Variants in SMOX observed in about 807,000 individuals in gnomAD.
SMOX encodes flavin containing amine oxidase.
A neutral mutation model predicts 51.0 loss-of-function variants in SMOX; 22 were observed. That is an observed-to-expected ratio of 0.43 (90% CI 0.31 to 0.62). The LOEUF (loss-of-function observed/expected upper bound fraction) is 0.62, where lower values mean the gene tolerates loss of function less well. Ranked by LOEUF, SMOX falls within the 20% of genes least tolerant of loss-of-function variation. The probability of loss-of-function intolerance (pLI) is 0.10; values close to 1 mark genes in which losing one functional copy is unlikely to be tolerated. For synonymous variants in SMOX, 282 were observed against 307.8 expected, an observed-to-expected ratio of 0.92 and a Z score of 0.88; for missense variants, 566 against 777.7, an observed-to-expected ratio of 0.73 and a Z score of 3.24.
rs111473805 is a variant in SMOX, at chr20:4,153,531, G to T, written c.-27+4554G>T. Reference sequence around the variant, plus strand: ...CTAGGCAGGTGACCTGGCCTCCCAGGGACCTGGCTGGCTGGCTGAGGAACG... The same window carrying T: ...CTAGGCAGGTGACCTGGCCTCCCAGTGACCTGGCTGGCTGGCTGAGGAACG... On this transcript the variant is annotated intron_variant, in intron 1 of 6. Coordinates refer to ENST00000305958, the MANE Select transcript of SMOX (RefSeq NM_175839.3). This position sits in a 1 kb window ranked among gnomAD's most constrained non-coding sequence, Gnocchi z 4.4. 2.3e-3 allele frequency among the ~76,000 whole-genome samples: 353 copies of T among 152,238 alleles called. 10 individuals carry two copies. The highest frequency in any genetic ancestry group is 6.6e-3 in the African/African-American group (276 of 41,542).
rs760868038 is a variant in SMOX, at chr20:4,182,307, T to C, written c.828T>C (p.Pro276=). ...WDQASARPRG[P]EIEPRGEGDH... Reference sequence around the variant, plus strand: ...AGGCCTCAGCCCGCCCCAGAGGCCCTGAGATTGAGCCCCGGGGTGAGGGCG... The same window carrying C: ...AGGCCTCAGCCCGCCCCAGAGGCCCCGAGATTGAGCCCCGGGGTGAGGGCG... The change falls in exon 5 of 7, where the codon CCT becomes CCC. Residue 276 remains proline, a synonymous_variant. Coordinates refer to ENST00000305958, the MANE Select transcript of SMOX (RefSeq NM_175839.3). This position sits in a 1 kb window ranked among gnomAD's most constrained non-coding sequence, Gnocchi z 8.4. 4.6e-5 allele frequency: 73 copies of C among 1,602,732 alleles called. No homozygotes were observed. The highest frequency in any genetic ancestry group is 5.9e-5 in the Non-Finnish European group (69 of 1,172,094).
chr20:4,165,317 G>A (rs1217835067), intron 1 of SMOX, among the ~76,000 whole-genome samples: 1 of 152,078 alleles, frequency 6.6e-6, no homozygotes, highest in East Asian at 1.9e-4. Context: ...GCCTCCCAAA[G>A]TGCTGGGATT....
intron 1 of SMOX, among the ~76,000 whole-genome samples, chr20:4,152,432 G>C (rs1222418701): frequency 6.6e-6 from 1 of 152,144 alleles, no homozygotes; most frequent in Non-Finnish European, 1.5e-5. Context: ...GTGTTAAATT[G>C]TGTGGCTGGT....
chr20:4,174,245 G>C (rs1244489960), intron 1 of SMOX, among the ~76,000 whole-genome samples: 3 of 152,234 alleles, frequency 2.0e-5, no homozygotes, highest in African/African-American at 7.2e-5. Flanking sequence ...GGGAAAGAGA[G>C]AGAGAGTGCC....
At chr20:4,178,385 G>A (rs892006042) in intron 3 of SMOX, among the ~76,000 whole-genome samples, 3 of 152,160 alleles carry the variant, frequency 2.0e-5, no homozygotes, top group African/African-American at 7.2e-5. Context: ...CTACTGTGTT[G>A]GATAGCACAG....
At chr20:4,158,709 G>C (rs1986155006) in intron 1 of SMOX, among the ~76,000 whole-genome samples, 1 of 152,126 alleles carries the variant, frequency 6.6e-6, no homozygotes, top group South Asian at 2.1e-4. Context: ...GTCTCACTCA[G>C]TTTCTGGGAC....
rs1398438150 is a variant in SMOX, at chr20:4,182,581, A to G, written c.1102A>G (p.Ile368Val). 5 of 1,613,916 alleles carry G rather than the reference A, an allele frequency of 3.1e-6. No homozygotes were observed. Among genetic ancestry groups the G allele is most frequent in the Non-Finnish European group, 4.2e-6 (5 of 1,179,986 alleles). ...HRLGIGTTDK[I>V]FLEFEEPFWG... The stretch of plus-strand genomic sequence containing the variant: ...CCTGGGCATTGGCACCACCGACAAG[A>G]TCTTTCTGGAATTCGAGGAGCCCTT... Residue 368 changes from isoleucine to valine, a missense_variant, in exon 5 of 7, where the codon ATC becomes GTC. This residue lies in a region of SMOX where 347 missense variants were observed against 481.8 expected (regional missense o/e 0.72). Coordinates refer to ENST00000305958, the MANE Select transcript of SMOX (RefSeq NM_175839.3). The surrounding 1 kb of genome is among the most constrained non-coding windows in gnomAD (Gnocchi z 8.4).
At chr20:4,175,803 A>G (rs527363988) in intron 2 of SMOX, among the ~76,000 whole-genome samples, 32 of 147,246 alleles carry the variant, frequency 2.2e-4, no homozygotes, top group African/African-American at 7.7e-4. Flanking sequence ...GCCAGGTAAG[A>G]GACTTGCCCT....
intron 1 of SMOX, among the ~76,000 whole-genome samples, chr20:4,150,257 C>T (rs1985668040): frequency 1.3e-5 from 2 of 152,220 alleles, no homozygotes; most frequent in East Asian, 3.9e-4. Context: ...TCTGCACTCG[C>T]TCCTTCAGAG....
At position 4,170,317 on chromosome 20, in the gene SMOX, T is replaced by G. The variant is rs1214098016; in HGVS notation, c.-26-4713T>G. 6.6e-6 allele frequency among the ~76,000 whole-genome samples: 1 copy of G among 152,110 alleles called. No homozygotes were observed. The highest frequency in any genetic ancestry group is 1.9e-4 in the East Asian group (1 of 5,170). On this transcript the variant is annotated intron_variant, in intron 1 of 6. Coordinates refer to ENST00000305958, the MANE Select transcript of SMOX (RefSeq NM_175839.3). The surrounding 1 kb of genome is among the most constrained non-coding windows in gnomAD (Gnocchi z 4.6). Reference sequence around the variant, plus strand: ...TGGTGGTCCTGTAATTTGCCCTCAATGAGGAAAGTGCCAGGAGTTGGGTGG... The same window carrying G: ...TGGTGGTCCTGTAATTTGCCCTCAAGGAGGAAAGTGCCAGGAGTTGGGTGG...
chr20:4,151,124 G>A (rs917456886), intron 1 of SMOX, among the ~76,000 whole-genome samples: 1 of 151,978 alleles, frequency 6.6e-6, no homozygotes, highest in African/African-American at 2.4e-5. Flanking sequence ...GAACCACTGC[G>A]CCAGGCCCAT....
chr20:4,187,588 G>C lies in SMOX; in HGVS notation c.*181G>C. The C allele has an allele frequency of 1.2e-6, 1 of 852,930 alleles. No individual in the cohort carries two copies. The highest frequency in any genetic ancestry group is 1.7e-6 in the Non-Finnish European group (1 of 577,084). The allele number at this position is 852,930 out of a possible 1,614,324, so 52.8% of individuals were successfully genotyped here. On this transcript the variant is annotated 3_prime_UTR_variant, in exon 7 of 7. Coordinates refer to ENST00000305958, the MANE Select transcript of SMOX (RefSeq NM_175839.3). This position sits in a 1 kb window ranked among gnomAD's most constrained non-coding sequence, Gnocchi z 4.8. The stretch of plus-strand genomic sequence containing the variant: ...TTTCTTTTTCTCCAGGCTGGGCCGT[G>C]AGCAGGTGGGCCGTTGAGTTACCTC...
chr20:4,161,028 G>A (rs1262678375), intron 1 of SMOX, among the ~76,000 whole-genome samples: 4 of 152,230 alleles, frequency 2.6e-5, no homozygotes, highest in Non-Finnish European at 5.9e-5. Context: ...TGAGCTCACA[G>A]GCCTCAGTTC....
rs550664364 is a variant in SMOX at position 4,149,937 on chromosome 20, C to T, written c.-27+960C>T. Among the ~76,000 whole-genome samples the T allele has an allele frequency of 5.3e-5, 8 of 152,182 alleles. No homozygotes were observed. The highest frequency in any genetic ancestry group is 4.6e-4 in the Admixed American group (7 of 15,292). On this transcript the variant is annotated intron_variant, in intron 1 of 6. Transcript: ENST00000305958. The surrounding 1 kb of genome is among the most constrained non-coding windows in gnomAD (Gnocchi z 6.0). Reference sequence around the variant, plus strand: ...CATCCGAAAGTGTGTGCAGTGAAGCCCCCACATTTGCATTCGGCCACCACT... The same window carrying T: ...CATCCGAAAGTGTGTGCAGTGAAGCTCCCACATTTGCATTCGGCCACCACT...
Position 4,181,069 on chromosome 20 carries a change from T to G in SMOX, c.436-734T>G, listed in dbSNP as rs1333991928. Reference sequence around the variant, plus strand: ...ACAGGCACGAGGGTCGGGCGGGCAGTCAGACCCCTTTTCAAGTGACTGATC... The same window carrying G: ...ACAGGCACGAGGGTCGGGCGGGCAGGCAGACCCCTTTTCAAGTGACTGATC... On this transcript the variant is annotated intron_variant, in intron 3 of 6. Coordinates refer to ENST00000305958, the MANE Select transcript of SMOX (RefSeq NM_175839.3). The surrounding 1 kb of genome is among the most constrained non-coding windows in gnomAD (Gnocchi z 5.6). Among the ~76,000 whole-genome samples the G allele has an allele frequency of 6.6e-6, 1 of 152,126 alleles. No homozygotes were observed. The highest frequency in any genetic ancestry group is 1.5e-5 in the Non-Finnish European group (1 of 68,012).
chr20:4,158,584 T>C (rs535685082), intron 1 of SMOX, among the ~76,000 whole-genome samples: 1 of 152,240 alleles, frequency 6.6e-6, no homozygotes, highest in East Asian at 1.9e-4. Context: ...TTGCAATTTA[T>C]TAGAAAACAG....
At chr20:4,175,511 G>A (rs1007092656) in intron 2 of SMOX, among the ~76,000 whole-genome samples, 3 of 152,206 alleles carry the variant, frequency 2.0e-5, no homozygotes, top group Non-Finnish European at 4.4e-5. Flanking sequence ...CAGTGTTTAG[G>A]AGGGAGTGGA....
rs140645552 is a variant in SMOX at position 4,170,645 on chromosome 20, G to A, written c.-26-4385G>A. On this transcript the variant is annotated intron_variant, in intron 1 of 6. Transcript: ENST00000305958. The surrounding 1 kb of genome is among the most constrained non-coding windows in gnomAD (Gnocchi z 4.6). Reference sequence around the variant, plus strand: ...CAGTTCACACAAACTTTGGTGGCTCGTGCCCACTCTGGTCACCTGACCTCT... The same window carrying A: ...CAGTTCACACAAACTTTGGTGGCTCATGCCCACTCTGGTCACCTGACCTCT... 5.9e-5 allele frequency among the ~76,000 whole-genome samples: 9 copies of A among 152,236 alleles called. No homozygotes were observed. The highest frequency in any genetic ancestry group is 1.3e-4 in the Non-Finnish European group (9 of 68,004).
In SMOX at chr20:4,177,662, C is replaced by G; in HGVS notation, c.435+85C>G. On this transcript the variant is annotated intron_variant, in intron 3 of 6. Transcript: ENST00000305958. The surrounding 1 kb of genome is among the most constrained non-coding windows in gnomAD (Gnocchi z 4.3). ...TTCTGGTCGTGTCTCTGCACACTCC[C>G]TGGGCCTTGCATTTGGAAAACCAGG... 1 of 1,266,410 alleles carries G rather than the reference C, an allele frequency of 7.9e-7. No homozygotes were observed. The highest frequency in any genetic ancestry group is 1.1e-6 in the Non-Finnish European group (1 of 908,508). The allele number at this position is 1,266,410 out of a possible 1,614,324, so 78.4% of individuals were successfully genotyped here. A position where few individuals can be genotyped will look rare whatever the true frequency, so the allele number is the denominator to read the frequency against.
Sources: allele counts gnomAD v4.1 joint callset (sites outside exome capture counted in the v4.1 genomes callset), GRCh38; gene constraint gnomAD v4.1.1; regional missense constraint gnomAD v4.1.1; non-coding constraint Gnocchi (gnomAD v3.1); transcripts MANE v1.5; gene names NCBI Gene and HGNC (gene_info 2026-07-23, HGNC 2026-07-21).